Variants in ARHGAP12 observed in about 807,000 individuals in gnomAD.
The protein encoded by ARHGAP12 is rho GTPase-activating protein 12.
Under a neutral mutation model 108.6 loss-of-function variants are expected in ARHGAP12, and 64 were observed. That is an observed-to-expected ratio of 0.59 (90% confidence interval 0.48 to 0.73). The LOEUF is 0.73. ARHGAP12 is among the 30% of genes least tolerant of loss of function. The pLI, the probability that ARHGAP12 is intolerant of heterozygous loss-of-function variation, is 0.00. For missense variants in ARHGAP12, 940 were observed against 1,005.9 expected (o/e 0.93, Z 0.89); for synonymous variants, 312 against 337.2 (o/e 0.93, Z 0.82).
At chr10:31,816,408 G>A (rs1022098426) in intron 13 of ARHGAP12, among the ~76,000 whole-genome samples, 1 of 152,186 alleles carries the variant, frequency 6.6e-6, no homozygotes, top group South Asian at 2.1e-4. Flanking sequence ...TTTATTAACT[G>A]TTATCTGTCT....
intron 11 of ARHGAP12, among the ~76,000 whole-genome samples, chr10:31,825,037 A>G (rs1165162520): frequency 6.6e-6 from 1 of 152,196 alleles, no homozygotes; most frequent in African/African-American, 2.4e-5. Context: ...AGATATATCA[A>G]ACCAAAATTT....
chr10:31,845,884 T>A (rs996734688), intron 6 of ARHGAP12, among the ~76,000 whole-genome samples: 4 of 152,186 alleles, frequency 2.6e-5, no homozygotes, highest in Non-Finnish European at 4.4e-5. Context: ...AACAGGTGTG[T>A]TTAGAGCATT....
At chr10:31,925,381 A>AT (rs1768587827) in intron 1 of ARHGAP12, among the ~76,000 whole-genome samples, 1 of 152,234 alleles carries the variant, frequency 6.6e-6, no homozygotes, top group Admixed American at 6.5e-5. Flanking sequence ...TTAGATTTAC[A>AT]TAATTACTGC....
chr10:31,826,272 G>A, intron 11 of ARHGAP12, 32 bp downstream of exon 11: 1 of 1,537,664 alleles, frequency 6.5e-7, no homozygotes, highest in Non-Finnish European at 8.9e-7. Flanking sequence ...TAATTTAAAT[G>A]TATAAAATCT....
chr10:31,918,606 C>G (rs2132487013), intron 1 of ARHGAP12, among the ~76,000 whole-genome samples: 1 of 152,282 alleles, frequency 6.6e-6, no homozygotes, highest in Middle Eastern at 3.4e-3. Context: ...ACGCAGTAGG[C>G]TGAAGTGAAA....
chr10:31,880,561 T>C (rs1056098458), intron 3 of ARHGAP12, among the ~76,000 whole-genome samples: 4 of 152,142 alleles, frequency 2.6e-5, no homozygotes, highest in Non-Finnish European at 5.9e-5. Flanking sequence ...CCCTGTCTTG[T>C]TATGGTCTCA....
At chr10:31,870,897 T>C (rs1837517030) in intron 3 of ARHGAP12, among the ~76,000 whole-genome samples, 1 of 152,224 alleles carries the variant, frequency 6.6e-6, no homozygotes, top group Admixed American at 6.5e-5. Context: ...CATGGTTTAC[T>C]TACTTAACTA....
At chr10:31,875,520 G>A (rs747912588) in intron 3 of ARHGAP12, among the ~76,000 whole-genome samples, 1 of 152,110 alleles carries the variant, frequency 6.6e-6, no homozygotes, top group Non-Finnish European at 1.5e-5. Flanking sequence ...GGGTAGGGAA[G>A]GATGGGTAAG....
At chr10:31,810,963 T>G (rs1834994728) in intron 15 of ARHGAP12, among the ~76,000 whole-genome samples, 1 of 152,184 alleles carries the variant, frequency 6.6e-6, no homozygotes, top group Non-Finnish European at 1.5e-5. Context: ...TGCCTGAAAA[T>G]TCTTTGTACT....
At chr10:31,887,949 G>A (rs1021185668) in intron 3 of ARHGAP12, among the ~76,000 whole-genome samples, 1 of 151,940 alleles carries the variant, frequency 6.6e-6, no homozygotes, top group Non-Finnish European at 1.5e-5. Context: ...GAGTCACCGC[G>A]CCCGGCCTGC....
Position 31,807,672 on chromosome 10 carries a change from T to C in ARHGAP12, c.2527A>G (p.Ile843Val), listed in dbSNP as rs1432848933. The change falls in exon 20 of 20, where the codon ATC becomes GTC. Residue 843 changes from isoleucine (I) to valine (V), a missense_variant. Physicochemically the swap from Ile to Val is conservative, Grantham distance 29 (BLOSUM62 3). Coordinates refer to ENST00000344936, the MANE Select transcript of ARHGAP12 (RefSeq NM_018287.7). ...VELILLELSSIFGR is the reference protein window; with the variant it reads ...VELILLELSSVFGR ...TTCAGTAAGAATCAACGTCCGAAGA[T>C]GGAACTCAGTTCCAGAAGAATTAAT... 3 of 1,602,074 alleles carry C rather than the reference T, an allele frequency of 1.9e-6. No homozygotes were observed. The highest frequency in any genetic ancestry group is 2.6e-6 in the Non-Finnish European group (3 of 1,176,390).
chr10:31,818,932 T>A (rs557584536), intron 12 of ARHGAP12, among the ~76,000 whole-genome samples: 29 of 152,148 alleles, frequency 1.9e-4, no homozygotes, highest in Non-Finnish European at 3.1e-4. Flanking sequence ...CAGTGACTTC[T>A]TTCATGCACT....
chr10:31,879,881 G>T (rs1837872070), intron 3 of ARHGAP12, among the ~76,000 whole-genome samples: 1 of 152,176 alleles, frequency 6.6e-6, no homozygotes, highest in African/African-American at 2.4e-5. Context: ...CTTCTACAGG[G>T]TTTCTGGCCA....
chr10:31,894,751 T>A (rs997289783), intron 3 of ARHGAP12, among the ~76,000 whole-genome samples: 6 of 152,168 alleles, frequency 3.9e-5, no homozygotes, highest in African/African-American at 1.4e-4. Flanking sequence ...AAAACTACTT[T>A]AAAGTTCATA....
chr10:31,908,611 T>TTAA lies in ARHGAP12; in HGVS notation c.242_244dup (p.Val81_Lys82insIle). 1 of 1,614,220 alleles carries TTAA rather than the reference T, an allele frequency of 6.2e-7. No homozygotes were observed. Among genetic ancestry groups the TTAA allele is most frequent in the Non-Finnish European group, 8.5e-7 (1 of 1,180,030 alleles). On this transcript the variant is annotated inframe_insertion, in exon 3 of 20. Transcript: ENST00000344936. ...GTTATTTGGCAGACCAGCTACCTGCTTAACAGGTGGCATGAGAGCTTTGCG... is the reference window on the plus strand; with the variant it reads ...GTTATTTGGCAGACCAGCTACCTGCTTAATAACAGGTGGCATGAGAGCTTTGCG...
At chr10:31,843,783 G>A (rs1836352561) in intron 6 of ARHGAP12, among the ~76,000 whole-genome samples, 197 bp from the exon 7 acceptor site, 1 of 152,114 alleles carries the variant, frequency 6.6e-6, no homozygotes, top group Admixed American at 6.6e-5. Context: ...CACAGACTCT[G>A]GTGTTACACA....
chr10:31,886,173 A>C (rs1262708123), intron 3 of ARHGAP12, among the ~76,000 whole-genome samples: 1 of 152,214 alleles, frequency 6.6e-6, no homozygotes, highest in Non-Finnish European at 1.5e-5. Context: ...AATGCAAAAA[A>C]TTTTCCACAT....
At position 31,861,375 on chromosome 10, in the gene ARHGAP12, G is replaced by C; in HGVS notation, c.948+20C>G. 1 of 1,574,066 alleles carries C rather than the reference G, an allele frequency of 6.4e-7. No homozygotes were observed. Among genetic ancestry groups the C allele is most frequent in the East Asian group, 2.2e-5 (1 of 44,532 alleles). On this transcript the variant is annotated intron_variant, in intron 4 of 19. Transcript: ENST00000344936. ...AGAGAAAATCTGGTAACTTGCAGTT[G>C]ATTCCTTAATTACTCATACCTCTTG...
intron 3 of ARHGAP12, among the ~76,000 whole-genome samples, chr10:31,900,298 C>T (rs1838865971): frequency 6.6e-6 from 1 of 152,152 alleles, no homozygotes; most frequent in Admixed American, 6.5e-5. Flanking sequence ...GACAGTTTGA[C>T]AGTTTCTTAC....
Sources: allele counts gnomAD v4.1 joint callset (sites outside exome capture counted in the v4.1 genomes callset), GRCh38; gene constraint gnomAD v4.1.1; transcripts MANE v1.5; gene names NCBI Gene and HGNC (gene_info 2026-07-23, HGNC 2026-07-21).